ARL6: variants seen among roughly 807,000 people sequenced by gnomAD.
ARL6 encodes ADP-ribosylation factor-like protein 6.
ARL6 carries 18 observed loss-of-function variants against 27.1 expected under a neutral mutation model. The observed-to-expected ratio is 0.66, with a 90% CI of 0.46 to 0.98. The LOEUF (loss-of-function observed/expected upper bound fraction) is 0.98, where lower values mean the gene tolerates loss of function less well. Among genes scored for constraint, ARL6 ranks in the 50% least tolerant of loss-of-function variants. ARL6 has a pLI of 0.00. For synonymous variants in ARL6, 65 were observed against 72.3 expected (o/e 0.90, Z 0.51); for missense variants, 187 against 214.9 (o/e 0.87, Z 0.81).
chr3:97,790,794 A>T (rs2037696858), intron 6 of ARL6, among the ~76,000 whole-genome samples: 1 of 152,034 alleles, frequency 6.6e-6, no homozygotes, highest in Non-Finnish European at 1.5e-5. Context: ...CTGGGAGATA[A>T]TTTTTATTTG....
At chr3:97,787,042 A>G (rs534571941) in intron 5 of ARL6, among the ~76,000 whole-genome samples, 1 of 152,166 alleles carries the variant, frequency 6.6e-6, no homozygotes. Flanking sequence ...TGACCCAACA[A>G]TTCCACATCT....
intron 1 of ARL6, among the ~76,000 whole-genome samples, chr3:97,765,570 ATTG>A (rs1326620360): frequency 1.3e-5 from 2 of 152,328 alleles, no homozygotes; most frequent in East Asian, 3.9e-4. Context: ...AGAAAGGAAG[ATTG>A]GAGCCAGATT....
chr3:97,770,226 T>C (rs1039117507), intron 2 of ARL6, among the ~76,000 whole-genome samples: 1 of 152,136 alleles, frequency 6.6e-6, no homozygotes, highest in African/African-American at 2.4e-5. Context: ...ATAAAGGCAA[T>C]TTTAACTGGG....
At chr3:97,781,356 G>A (rs992786804) in intron 4 of ARL6, among the ~76,000 whole-genome samples, 22 of 151,910 alleles carry the variant, frequency 1.4e-4, no homozygotes, top group African/African-American at 5.1e-4. Flanking sequence ...CTGCATTCCT[G>A]GATTAAACCA....
In ARL6 at chr3:97,780,675, C is replaced by G. The variant is rs1259103504; in HGVS notation, c.246C>G (p.His82Gln). ...GQGRYRNLWE[H>Q]YYKEGQAIIF... ...GAAGATACAGAAATCTCTGGGAACA[C>G]TATTATAAGTAAGTACATCTGTGAA... Residue 82 changes from histidine (H) to glutamine (Q), a missense_variant, in exon 4 of 8, where the codon CAC becomes CAG. By Grantham distance (24) the His-to-Gln change is conservative. Coordinates refer to ENST00000463745, the MANE Select transcript of ARL6 (RefSeq NM_001278293.3). The G allele has an allele frequency of 2.5e-6, 4 of 1,609,074 alleles. No homozygotes were observed. Among genetic ancestry groups the G allele is most frequent in the East Asian group, 4.5e-5 (2 of 44,724 alleles).
rs551429724 is a variant in ARL6, at chr3:97,782,813, T to TAA, written c.254+2131_254+2132dup. On this transcript the variant is annotated intron_variant, in intron 4 of 7. Coordinates refer to ENST00000463745, the MANE Select transcript of ARL6 (RefSeq NM_001278293.3). ...TAAATATTTATCTTTGCTATATATATAACCATAGTAGTAAAAAAAAAAAAT... is the reference window on the plus strand; with the variant it reads ...TAAATATTTATCTTTGCTATATATATAAAACCATAGTAGTAAAAAAAAAAAAT... Among the ~76,000 whole-genome samples the TAA allele has an allele frequency of 2.1e-3, 311 of 150,378 alleles. 2 individuals carry two copies. The highest frequency in any genetic ancestry group is 1.5e-3 in the Non-Finnish European group (104 of 67,368).
intron 2 of ARL6, among the ~76,000 whole-genome samples, chr3:97,773,834 T>C (rs576708857): frequency 6.6e-6 from 1 of 152,354 alleles, no homozygotes; most frequent in African/African-American, 2.4e-5. Context: ...TACCTTCTTC[T>C]ACTACCTATT....
rs541001172 is a variant in ARL6, at chr3:97,781,492, C to T, written c.254+809C>T. ...GAGGTCATATGTAGGCATTGTATTA[C>T]GTATTATAAGTAATCTAGGGTGATT... On this transcript the variant is annotated intron_variant, in intron 4 of 7. Coordinates refer to ENST00000463745, the MANE Select transcript of ARL6 (RefSeq NM_001278293.3). 2.5e-4 allele frequency among the ~76,000 whole-genome samples: 38 copies of T among 152,054 alleles called. 1 individual carries two copies. In the South Asian group the frequency reaches 5.0e-3, roughly 20 times the overall value.
At position 97,768,161 on chromosome 3, in the gene ARL6, T is replaced by A. The variant is rs1409908163; in HGVS notation, c.54T>A (p.Val18=). Residue 18 remains valine, a synonymous_variant, in exon 2 of 8, where the codon GTT becomes GTA. Transcript: ENST00000463745. ...SVLLGLKKKE[V]HVLCLGLDNS... ...TGCTTGGCCTGAAGAAGAAGGAGGT[T>A]CATGTTTTGTGCCTTGGGCTAGATA... The A allele has an allele frequency of 8.1e-6, 13 of 1,608,376 alleles. No homozygotes were observed. The highest frequency in any genetic ancestry group is 1.1e-5 in the Non-Finnish European group (13 of 1,174,872).
chr3:97,788,196 T>C, intron 6 of ARL6, 77 bp downstream of exon 6: 1 of 1,471,468 alleles, frequency 6.8e-7, no homozygotes, highest in Non-Finnish European at 9.3e-7. Flanking sequence ...TCTGATCTCA[T>C]TTTTTAAAAA....
Position 97,799,949 on chromosome 3 carries a change from C to T in ARL6, c.*1900C>T, listed in dbSNP as rs1448878587. 1.3e-5 allele frequency: 2 copies of T among 152,164 alleles called. No homozygotes were observed. The highest frequency in any genetic ancestry group is 2.4e-5 in the African/African-American group (1 of 41,548). The allele number at this position is 152,164 out of a possible 1,614,324, so 9.4% of individuals were successfully genotyped here. ...CTCTTACTTGGGACAGCAACCAGGA[C>T]AGGGATGGTAGAGGGAAGGTCAGAG... On this transcript the variant is annotated 3_prime_UTR_variant, in exon 8 of 8. Transcript: ENST00000463745.
chr3:97,784,987 G>T lies in ARL6; in HGVS notation c.287G>T (p.Ser96Ile). ...EGQAIIFVIDSSDRLRMVVAK... is the reference protein window; with the variant it reads ...EGQAIIFVIDISDRLRMVVAK... ...CAAGCTATTATTTTTGTCATTGATA[G>T]TAGTGATAGATTAAGAATGGTTGTG... Residue 96 changes from serine (S) to isoleucine (I), a missense_variant, in exon 5 of 8, where the codon AGT becomes ATT. Transcript: ENST00000463745. 6.2e-7 allele frequency: 1 copy of T among 1,612,764 alleles called. No homozygotes were observed. Among genetic ancestry groups the T allele is most frequent in the South Asian group, 1.1e-5 (1 of 91,046 alleles).
Position 97,780,641 on chromosome 3 carries a change from C to T in ARL6, c.212C>T (p.Ser71Leu), listed in dbSNP as rs1389539548. 6.2e-6 allele frequency: 10 copies of T among 1,613,118 alleles called. No homozygotes were observed. The highest frequency in any genetic ancestry group is 8.5e-6 in the Non-Finnish European group (10 of 1,179,410). The change falls in exon 4 of 8, where the codon TCA (serine) becomes TTA (leucine). Residue 71 changes from serine (S) to leucine (L), a missense_variant. Physicochemically the swap from Ser to Leu is moderately radical, Grantham distance 145. Transcript: ENST00000463745. Reference sequence around the variant, plus strand: ...TTGTCATTTACAGTGTTTGACATGTCAGGTCAAGGAAGATACAGAAATCTC... The same window carrying T: ...TTGTCATTTACAGTGTTTGACATGTTAGGTCAAGGAAGATACAGAAATCTC... The part of the protein sequence containing the change: ...SSLSFTVFDM[S>L]GQGRYRNLWE...
intron 4 of ARL6, among the ~76,000 whole-genome samples, chr3:97,784,504 T>C (rs1041930240): frequency 6.6e-6 from 1 of 150,998 alleles, no homozygotes; most frequent in Non-Finnish European, 1.5e-5. Flanking sequence ...ATCAAGGAAA[T>C]TTACATATGT....
chr3:97,786,333 C>CA (rs746671505), intron 5 of ARL6, among the ~76,000 whole-genome samples: 2,299 of 133,570 alleles, frequency 0.017, 21 homozygotes, highest in Middle Eastern at 0.031. Flanking sequence ...GACTCTGTCT[C>CA]AAAAAAAAAA....
chr3:97,784,456 A>T (rs965334178), intron 4 of ARL6, among the ~76,000 whole-genome samples: 7 of 151,804 alleles, frequency 4.6e-5, no homozygotes, highest in Middle Eastern at 3.4e-3. Context: ...ATAATTTATA[A>T]AAGTAGTAGT....
At chr3:97,797,528 A>G (rs1243480494) in intron 7 of ARL6, among the ~76,000 whole-genome samples, 1 of 152,150 alleles carries the variant, frequency 6.6e-6, no homozygotes, top group Non-Finnish European at 1.5e-5. Flanking sequence ...GAGAGAGCTG[A>G]TGTCTCATAT....
Position 97,798,286 on chromosome 3 carries a change from G to T in ARL6, c.*237G>T. On this transcript the variant is annotated 3_prime_UTR_variant, in exon 8 of 8. Transcript: ENST00000463745. ...CTAGAATTATCAAGTTCTTAGTGAA[G>T]GTCTACATTTGATTGTACGTAGAAT... 2.1e-6 allele frequency: 1 copy of T among 479,948 alleles called. No homozygotes were observed. Among genetic ancestry groups the T allele is most frequent in the Admixed American group, 3.3e-5 (1 of 29,896 alleles). The allele number at this position is 479,948 out of a possible 1,614,324, so 29.7% of individuals were successfully genotyped here.
chr3:97,784,938 T>G lies in ARL6; in HGVS notation c.255-17T>G, dbSNP rs2037376159. On this transcript the variant is annotated splice_polypyrimidine_tract_variant and intron_variant, in intron 4 of 7. Transcript: ENST00000463745. ...ATAAGTAAAGCTTTAATTTTTCTTT[T>G]TCTTTACATTACACAGAGAAGGCCA... The G allele has an allele frequency of 6.3e-7, 1 of 1,586,578 alleles. No individual in the cohort carries two copies. Among genetic ancestry groups the G allele is most frequent in the South Asian group, 1.1e-5 (1 of 90,438 alleles).
Sources: gnomAD v4.1 joint callset for allele counts (sites outside exome capture counted in the v4.1 genomes callset) on GRCh38, gnomAD v4.1.1 for gene constraint, MANE v1.5 for transcripts, NCBI Gene and HGNC (gene_info 2026-07-23, HGNC 2026-07-21) for gene names.